ABCC1: variants seen among roughly 807,000 people sequenced by gnomAD.
ABCC1 encodes the protein multidrug resistance-associated protein 1.
In ABCC1, 83 loss-of-function variants were observed where a neutral mutation model predicts 172.9. The observed-to-expected ratio is 0.48, with a 90% CI of 0.40 to 0.58. The LOEUF is 0.58. Among genes scored for constraint, ABCC1 ranks in the 20% least tolerant of loss-of-function variants. ABCC1 has a pLI of 0.00. For synonymous variants in ABCC1, 937 were observed against 825.2 expected, an observed-to-expected ratio of 1.14 and a Z score of -2.32; for missense variants, 1,817 against 2,002.7, an observed-to-expected ratio of 0.91 and a Z score of 1.77.
chr16:16,046,724 C>T (rs1278358519), intron 9 of ABCC1, among the ~76,000 whole-genome samples: 1 of 151,920 alleles, frequency 6.6e-6, no homozygotes, highest in Non-Finnish European at 1.5e-5. Context: ...TTGTGTACAT[C>T]CAATTTCAAA....
chr16:15,979,928 C>G (rs1468932475), intron 1 of ABCC1, among the ~76,000 whole-genome samples: 2 of 152,100 alleles, frequency 1.3e-5, no homozygotes, highest in Admixed American at 6.5e-5. Context: ...CTAGGTACTT[C>G]CTGATTACTT....
intron 3 of ABCC1, among the ~76,000 whole-genome samples, chr16:16,013,009 A>G (rs962160514): frequency 4.6e-5 from 7 of 151,936 alleles, no homozygotes; most frequent in African/African-American, 1.4e-4. Flanking sequence ...TCGTTCATTT[A>G]TGCCTCTGTC....
chr16:16,030,509 A>C lies in ABCC1; in HGVS notation c.616-2600A>C, dbSNP rs551741812. On this transcript the variant is annotated intron_variant, in intron 5 of 30. Coordinates refer to ENST00000399410, the MANE Select transcript of ABCC1 (RefSeq NM_004996.4). The stretch of plus-strand genomic sequence containing the variant: ...CACTGGACTCCAGCCTGGGCGACAG[A>C]GCAAGACTCCATCTCAAAAAACAAA... Among the ~76,000 whole-genome samples the C allele has an allele frequency of 3.3e-5, 5 of 152,244 alleles. No individual in the cohort carries two copies. The South Asian group carries it at 1.0e-3, about 32-fold the overall frequency.
At chr16:15,984,746 T>C (rs2046706330) in intron 1 of ABCC1, among the ~76,000 whole-genome samples, 2 of 152,160 alleles carry the variant, frequency 1.3e-5, no homozygotes, top group Non-Finnish European at 2.9e-5. Context: ...GCCCGGCCTA[T>C]ATATGTATTA....
At chr16:16,044,392 TGGTA>T in intron 7 of ABCC1, 54 bp from the exon 8 acceptor site, 1 of 1,452,758 alleles carries the variant, frequency 6.9e-7, no homozygotes, top group East Asian at 2.3e-5. Flanking sequence ...CATGTCCCTG[TGGTA>T]GGGGGCTGCA....
At chr16:16,132,510 G>GGTTTTTTTTTTTTTTTTTTTTTTTTTTTT in intron 27 of ABCC1, among the ~76,000 whole-genome samples, 1 of 37,298 alleles carries the variant, frequency 2.7e-5, no homozygotes, top group Non-Finnish European at 5.0e-5. Context: ...TTGGTTGGTT[G>GGTTTTTTTTTTTTTTTTTTTTTTTTTTTT]TTTTTTTTTT....
chr16:16,114,960 A>C lies in ABCC1; in HGVS notation c.3274A>C (p.Lys1092Gln). ...TVDSMIPEVI[K>Q]MFMGSLFNVI... ...GGACTCCATGATCCCGGAGGTCATCAAGATGTTCATGGGCTCCCTGTTCAA... is the reference window on the plus strand; with the variant it reads ...GGACTCCATGATCCCGGAGGTCATCCAGATGTTCATGGGCTCCCTGTTCAA... The change falls in exon 23 of 31, where the codon AAG becomes CAG. Residue 1092 changes from lysine (K) to glutamine (Q), a missense_variant. Lys to Gln is a moderately conservative substitution (Grantham distance 53). Transcript: ENST00000399410. 1 of 1,614,142 alleles carries C rather than the reference A, an allele frequency of 6.2e-7. No individual in the cohort carries two copies. Among genetic ancestry groups the C allele is most frequent in the Non-Finnish European group, 8.5e-7 (1 of 1,180,008 alleles).
chr16:16,090,520 A>T lies in ABCC1; in HGVS notation c.2576A>T (p.Asp859Val). Reference sequence around the variant, plus strand: ...TCCTACCAGGAGCTGCTGGCTCGAGACGGCGCCTTCGCTGAGTTCCTGCGT... The same window carrying T: ...TCCTACCAGGAGCTGCTGGCTCGAGTCGGCGCCTTCGCTGAGTTCCTGCGT... ...MGSYQELLAR[D>V]GAFAEFLRTY... is the part of the protein sequence containing the mutation. The change falls in exon 19 of 31, where the codon GAC (aspartate) becomes GTC (valine). Residue 859 changes from aspartate to valine, a missense_variant. Asp to Val is a radical substitution (Grantham distance 152). Coordinates refer to ENST00000399410, the MANE Select transcript of ABCC1 (RefSeq NM_004996.4). The T allele has an allele frequency of 6.2e-7, 1 of 1,613,762 alleles. No individual in the cohort carries two copies.
intron 7 of ABCC1, among the ~76,000 whole-genome samples, chr16:16,042,739 A>G (rs974404331): frequency 6.6e-6 from 1 of 151,852 alleles, no homozygotes; most frequent in African/African-American, 2.4e-5. Flanking sequence ...GATAAAGACT[A>G]CTTTTTTGGT....
intron 5 of ABCC1, among the ~76,000 whole-genome samples, chr16:16,027,284 ACTGT>A (rs1314827817): frequency 6.6e-6 from 1 of 152,042 alleles, no homozygotes; most frequent in Non-Finnish European, 1.5e-5. Flanking sequence ...CATCCCATAC[ACTGT>A]CTGTGGCAAC....
chr16:16,128,531 G>T (rs945902424), intron 26 of ABCC1, among the ~76,000 whole-genome samples: 1 of 152,178 alleles, frequency 6.6e-6, no homozygotes, highest in African/African-American at 2.4e-5. Context: ...CCAAGAGAAA[G>T]TAATTGTCCT....
rs540604752 is a variant in ABCC1 at position 16,009,740 on chromosome 16, G to A, written c.226-36G>A. 1.0e-5 allele frequency: 16 copies of A among 1,548,428 alleles called. No individual in the cohort carries two copies. The African/African-American group carries it at 1.1e-4, about 11-fold the overall frequency. On this transcript the variant is annotated intron_variant, in intron 2 of 30. Transcript: ENST00000399410. ...CAGGCCCTGGGGGAGGTTCCAGGGCGGTCTGTTGTAGGATATGTATGTGCT... is the reference window on the plus strand; with the variant it reads ...CAGGCCCTGGGGGAGGTTCCAGGGCAGTCTGTTGTAGGATATGTATGTGCT...
chr16:16,013,419 T>G (rs4781720), intron 3 of ABCC1, among the ~76,000 whole-genome samples: 1 of 151,506 alleles, frequency 6.6e-6, no homozygotes, highest in African/African-American at 2.4e-5. Context: ...TAAAGGCGTA[T>G]GCCACCACGC....
At chr16:16,025,154 C>T (rs1483050560) in intron 5 of ABCC1, among the ~76,000 whole-genome samples, 3 of 152,126 alleles carry the variant, frequency 2.0e-5, no homozygotes, top group African/African-American at 4.8e-5. Context: ...CCAGTGTTTA[C>T]GTTATACTGG....
At position 15,956,629 on chromosome 16, in the gene ABCC1, A is replaced by G. The variant is rs1297906351; in HGVS notation, c.48+6830A>G. Among the ~76,000 whole-genome samples, 5 of 152,168 alleles carry G rather than the reference A, an allele frequency of 3.3e-5. No individual in the cohort carries two copies. In the East Asian group the frequency reaches 9.7e-4, roughly 29 times the overall value. ...TGGGATTATAGGCGTGAGCCACTGC[A>G]CTTGGCCTAACTCATACCTTGTATA... On this transcript the variant is annotated intron_variant, in intron 1 of 30. Coordinates refer to ENST00000399410, the MANE Select transcript of ABCC1 (RefSeq NM_004996.4).
At chr16:16,102,492 G>A (rs1340319127) in intron 19 of ABCC1, 135 bp from the exon 20 acceptor site, 1 of 744,438 alleles carries the variant, frequency 1.3e-6, no homozygotes. Flanking sequence ...TGCAGAGCAG[G>A]TCTCCTACTT....
intron 16 of ABCC1, 36 bp from the exon 17 acceptor site, chr16:16,083,330 G>C: frequency 6.2e-7 from 1 of 1,604,256 alleles, no homozygotes; most frequent in Non-Finnish European, 8.5e-7. Context: ...ATCTGTCTGT[G>C]TGTCTGTCTC....
intron 22 of ABCC1, 68 bp downstream of exon 22, chr16:16,111,650 T>C: frequency 7.0e-7 from 1 of 1,434,258 alleles, no homozygotes; most frequent in South Asian, 1.2e-5. Flanking sequence ...ATTATAGAAA[T>C]GGATCCTTAG....
chr16:15,989,528 C>T (rs750242430), intron 1 of ABCC1, among the ~76,000 whole-genome samples: 3 of 152,192 alleles, frequency 2.0e-5, no homozygotes, highest in Non-Finnish European at 4.4e-5. Context: ...GCCTCTTGCA[C>T]TCCTTTTCTC....
Sources: gnomAD v4.1 joint callset for allele counts (sites outside exome capture counted in the v4.1 genomes callset) on GRCh38, gnomAD v4.1.1 for gene constraint, MANE v1.5 for transcripts, NCBI Gene and HGNC (gene_info 2026-07-23, HGNC 2026-07-21) for gene names.